Variants in EFHC2 observed in about 807,000 individuals in gnomAD.
EFHC2 encodes EF-hand domain containing 2.
EFHC2 carries 18 observed loss-of-function variants against 52.7 expected under a neutral mutation model. That is an observed-to-expected ratio of 0.34 (90% CI 0.24 to 0.51). The LOEUF (loss-of-function observed/expected upper bound fraction) is 0.51. Ranked by LOEUF, EFHC2 falls within the 20% of genes least tolerant of loss-of-function variation. The pLI, the probability that EFHC2 is intolerant of heterozygous loss-of-function variation, is 0.97. For synonymous variants in EFHC2, 203 were observed against 204.1 expected (o/e 0.99, Z 0.04); for missense variants, 513 against 562.5 (o/e 0.91, Z 0.89).
intron 7 of EFHC2, among the ~76,000 whole-genome samples, chrX:44,244,021 AAT>A (rs2037380866): frequency 8.9e-6 from 1 of 111,807 alleles, no homozygotes; most frequent in Non-Finnish European, 1.9e-5. Context: ...TCTACATACC[AAT>A]CTAAGCAGTC....
At chrX:44,339,313 T>C (rs2038138790) in intron 1 of EFHC2, among the ~76,000 whole-genome samples, 2 of 112,041 alleles carry the variant, frequency 1.8e-5, no homozygotes, top group South Asian at 7.3e-4. Context: ...TGGCTGGAAA[T>C]GTCCCTTTTA....
intron 13 of EFHC2, among the ~76,000 whole-genome samples, 177 bp from the exon 14 acceptor site, chrX:44,164,204 G>A (rs1014084132): frequency 2.7e-5 from 3 of 111,657 alleles, no homozygotes; most frequent in Admixed American, 9.5e-5. Flanking sequence ...TTCTTTGAGC[G>A]GGGATCTTGC....
At chrX:44,236,137 G>T (rs1447681991) in intron 8 of EFHC2, among the ~76,000 whole-genome samples, 2 of 110,559 alleles carry the variant, frequency 1.8e-5, no homozygotes, top group African/African-American at 6.6e-5. Context: ...TACATTGTAA[G>T]TATTCAATAA....
At chrX:44,196,713 A>G in intron 11 of EFHC2, among the ~76,000 whole-genome samples, 1 of 112,362 alleles carries the variant, frequency 8.9e-6, no homozygotes, top group East Asian at 2.8e-4. Context: ...TTCTAGACCC[A>G]GAGTGTAAGT....
chrX:44,343,355 A>C (rs779536637), intron 1 of EFHC2, among the ~76,000 whole-genome samples, 192 bp downstream of exon 1: 4 of 111,900 alleles, frequency 3.6e-5, no homozygotes, highest in Non-Finnish European at 7.5e-5. Context: ...TATATTTCTA[A>C]ATTAGGAAAA....
chrX:44,169,828 T>C (rs1019053046), intron 13 of EFHC2, among the ~76,000 whole-genome samples: 1 of 111,451 alleles, frequency 9.0e-6, no homozygotes, highest in Non-Finnish European at 1.9e-5. Context: ...TCCAAAAGAA[T>C]AAATAGCAAT....
At chrX:44,218,541 T>C (rs970605302) in intron 11 of EFHC2, among the ~76,000 whole-genome samples, 4 of 112,341 alleles carry the variant, frequency 3.6e-5, no homozygotes, top group Non-Finnish European at 3.8e-5. Context: ...GAATTTAAGA[T>C]GAACCTTGAT....
intron 11 of EFHC2, among the ~76,000 whole-genome samples, chrX:44,204,853 C>T (rs781172482): frequency 9.0e-6 from 1 of 111,641 alleles, no homozygotes; most frequent in Admixed American, 9.5e-5. Context: ...CTAGAGAGGT[C>T]AACATGCAGA....
intron 11 of EFHC2, among the ~76,000 whole-genome samples, chrX:44,202,185 T>A (rs2037010995): frequency 8.9e-6 from 1 of 111,755 alleles, no homozygotes; most frequent in African/African-American, 3.2e-5. Context: ...CAAAACATAA[T>A]CGGGTGGATC....
At position 44,221,794 on chromosome X, in the gene EFHC2, T is replaced by C. The variant is rs1368784144; in HGVS notation, c.1751+7855A>G. Among the ~76,000 whole-genome samples, 78 of 112,158 alleles carry C rather than the reference T, an allele frequency of 7.0e-4. 2 individuals carry two copies. On this transcript the variant is annotated intron_variant, in intron 11 of 14. Transcript: ENST00000420999. ...ATTCAGAGATATCAAGTTTAAAAAT[T>C]GCATTCATTTTAGTCTCACGCTTCT...
chrX:44,162,436 A>C (rs1387427142), intron 14 of EFHC2, among the ~76,000 whole-genome samples: 1 of 111,200 alleles, frequency 9.0e-6, no homozygotes, highest in African/African-American at 3.3e-5. Flanking sequence ...TCTACCCACC[A>C]TCCAGCCAAA....
chrX:44,262,000 T>C (rs1427606608), intron 3 of EFHC2, among the ~76,000 whole-genome samples: 1 of 110,831 alleles, frequency 9.0e-6, no homozygotes, highest in East Asian at 2.9e-4. Context: ...GGCCAAAAGC[T>C]CTAGATCTCA....
chrX:44,165,466 C>G (rs750292474), intron 13 of EFHC2, among the ~76,000 whole-genome samples: 6 of 111,918 alleles, frequency 5.4e-5, no homozygotes, highest in Admixed American at 4.7e-4. Context: ...AAAGGACATA[C>G]TCTGTTTATG....
chrX:44,328,719 G>T (rs61053574), intron 1 of EFHC2, among the ~76,000 whole-genome samples: 38,008 of 110,366 alleles, frequency 0.34, 4,767 homozygotes, highest in South Asian at 0.46. Context: ...CCTCTGATTG[G>T]TTGCTTTCCA....
intron 1 of EFHC2, among the ~76,000 whole-genome samples, chrX:44,320,665 T>C (rs1359146538): frequency 1.8e-5 from 2 of 110,730 alleles, no homozygotes; most frequent in Non-Finnish European, 3.8e-5. Flanking sequence ...CTCAAGTCTT[T>C]CAACTCTTAG....
intron 1 of EFHC2, among the ~76,000 whole-genome samples, chrX:44,342,642 C>G (rs1465338872): frequency 1.8e-5 from 2 of 110,387 alleles, no homozygotes; most frequent in Admixed American, 1.9e-4. Context: ...TTTGGGAGAC[C>G]GAGGCGGGCA....
At chrX:44,303,239 C>A (rs1007977288) in intron 2 of EFHC2, among the ~76,000 whole-genome samples, 1 of 111,039 alleles carries the variant, frequency 9.0e-6, no homozygotes, top group African/African-American at 3.3e-5. Context: ...ACTCTGTGAC[C>A]GTGACGGATC....
intron 11 of EFHC2, among the ~76,000 whole-genome samples, chrX:44,216,309 T>C (rs2037148148): frequency 8.9e-6 from 1 of 112,206 alleles, no homozygotes; most frequent in Non-Finnish European, 1.9e-5. Flanking sequence ...GAATTATGCC[T>C]GACAAGGGCC....
intron 13 of EFHC2, among the ~76,000 whole-genome samples, chrX:44,168,172 A>AAGT (rs2036712176): frequency 9.0e-6 from 1 of 111,622 alleles, no homozygotes; most frequent in African/African-American, 3.3e-5. Flanking sequence ...AAGTGACTGC[A>AAGT]GACTCCAGGT....
Sources: allele counts gnomAD v4.1 joint callset (sites outside exome capture counted in the v4.1 genomes callset), GRCh38; gene constraint gnomAD v4.1.1; transcripts MANE v1.5; gene names NCBI Gene and HGNC (gene_info 2026-07-23, HGNC 2026-07-21).